The following ATRNL1 variants were observed in gnomAD, a reference collection of about 807,000 sequenced individuals.
The protein encoded by ATRNL1 is attractin-like protein 1.
In ATRNL1, 95 loss-of-function variants were observed where a neutral mutation model predicts 182.7. The observed-to-expected ratio is 0.52, with a 90% CI of 0.44 to 0.62. The LOEUF (loss-of-function observed/expected upper bound fraction) is 0.62. ATRNL1 is among the 20% of genes least tolerant of loss of function. The pLI is 0.00. For synonymous variants in ATRNL1, 576 were observed against 568.3 expected (o/e 1.01, Z -0.19); for missense variants, 1,471 against 1,679.5 (o/e 0.88, Z 2.17).
intron 26 of ATRNL1, among the ~76,000 whole-genome samples, chr10:115,634,128 G>T (rs1279109319): frequency 6.6e-6 from 1 of 152,044 alleles, no homozygotes; most frequent in Non-Finnish European, 1.5e-5. Flanking sequence ...ATTAGCGTCT[G>T]TGGAAAAAGT....
intron 28 of ATRNL1, among the ~76,000 whole-genome samples, chr10:115,903,644 T>A (rs999931332): frequency 6.6e-6 from 1 of 152,206 alleles, no homozygotes. Flanking sequence ...TTTATCACCT[T>A]TAATACCTTC....
rs185403397 is a variant in ATRNL1 at position 115,932,546 on chromosome 10, A to T, written c.4019-12112A>T. On this transcript the variant is annotated intron_variant, in intron 28 of 28. Coordinates refer to ENST00000355044, the MANE Select transcript of ATRNL1 (RefSeq NM_207303.4). ...CCATTTTCCCTTCCATTTTATCTAA[A>T]TGGCTAGAAGTGAGTGTTTGCATAA... is the stretch of plus-strand genomic sequence containing the variant. Among the ~76,000 whole-genome samples the T allele has an allele frequency of 7.2e-4, 110 of 152,304 alleles. 1 individual carries two copies. The highest frequency in any genetic ancestry group is 2.4e-3 in the African/African-American group (99 of 41,568).
rs59638255 is a variant in ATRNL1 at position 115,271,165 on chromosome 10, T to TACACACAC, written c.2100+2749_2100+2756dup. Among the ~76,000 whole-genome samples the TACACACAC allele has an allele frequency of 8.1e-3, 1,184 of 146,016 alleles. 10 individuals are homozygous for TACACACAC. The highest frequency in any genetic ancestry group is 0.027 in the African/African-American group (1,037 of 39,012). On this transcript the variant is annotated intron_variant, in intron 13 of 28. Coordinates refer to ENST00000355044, the MANE Select transcript of ATRNL1 (RefSeq NM_207303.4). ...AAGAGAAGAAAGAAAACAAAGATAT[T>TACACACAC]ACACACACACACACACACACACACA...
chr10:115,514,309 T>C lies in ATRNL1; in HGVS notation c.3655-4954T>C, dbSNP rs190470507. ...ATCAAAATAGCATTCATATTTCTTA[T>C]GAAAACTTTTACATTTGTCTTTATT... is the stretch of plus-strand genomic sequence containing the variant. On this transcript the variant is annotated intron_variant, in intron 24 of 28. Coordinates refer to ENST00000355044, the MANE Select transcript of ATRNL1 (RefSeq NM_207303.4). Among the ~76,000 whole-genome samples the C allele has an allele frequency of 5.9e-5, 9 of 152,130 alleles. No homozygotes were observed. The South Asian group carries it at 1.0e-3, about 17-fold the overall frequency.
At chr10:115,433,117 A>G (rs1846245246) in intron 21 of ATRNL1, among the ~76,000 whole-genome samples, 2 of 152,066 alleles carry the variant, frequency 1.3e-5, no homozygotes, top group South Asian at 4.1e-4. Flanking sequence ...TTTATGTTGA[A>G]TTTCTTTTAT....
At chr10:115,241,391 A>C (rs1850412876) in intron 9 of ATRNL1, among the ~76,000 whole-genome samples, 180 bp from the exon 10 acceptor site, 1 of 151,590 alleles carries the variant, frequency 6.6e-6, no homozygotes, top group Non-Finnish European at 1.5e-5. Flanking sequence ...TGAGCCTCAA[A>C]ATATTTTTTT....
At chr10:115,188,719 C>T (rs1848052103) in intron 8 of ATRNL1, among the ~76,000 whole-genome samples, 1 of 124,204 alleles carries the variant, frequency 8.1e-6, no homozygotes. Context: ...TGAGTTTCTC[C>T]TCTGCTCTTA....
intron 26 of ATRNL1, among the ~76,000 whole-genome samples, chr10:115,573,944 A>G (rs1368917129): frequency 1.3e-5 from 2 of 152,198 alleles, no homozygotes; most frequent in Non-Finnish European, 2.9e-5. Flanking sequence ...TGAAAGACAA[A>G]GCTGAAAAGA....
intron 19 of ATRNL1, among the ~76,000 whole-genome samples, chr10:115,381,961 T>C (rs1035174342): frequency 3.3e-5 from 5 of 152,144 alleles, no homozygotes; most frequent in Non-Finnish European, 7.4e-5. Flanking sequence ...TGGCTGTTCT[T>C]CCCCCATTTA....
intron 8 of ATRNL1, among the ~76,000 whole-genome samples, chr10:115,178,705 C>T (rs1308249875): frequency 2.0e-5 from 3 of 152,050 alleles, no homozygotes; most frequent in Non-Finnish European, 4.4e-5. Context: ...TAGCTGGGTC[C>T]TTTTTGCCTT....
intron 27 of ATRNL1, among the ~76,000 whole-genome samples, chr10:115,790,229 C>T (rs1349572329): frequency 6.7e-6 from 1 of 149,636 alleles, no homozygotes; most frequent in Non-Finnish European, 1.5e-5. Context: ...AGTGGTGGCC[C>T]CCAAAGCAGC....
At chr10:115,105,850 G>A (rs1469938856) in intron 1 of ATRNL1, among the ~76,000 whole-genome samples, 1 of 152,216 alleles carries the variant, frequency 6.6e-6, no homozygotes, top group Non-Finnish European at 1.5e-5. Context: ...CCAGGCAGAA[G>A]TTTGCTGCAG....
intron 24 of ATRNL1, among the ~76,000 whole-genome samples, chr10:115,494,899 G>A (rs1031984022): frequency 8.5e-5 from 13 of 152,146 alleles, no homozygotes; most frequent in Admixed American, 6.6e-4. Flanking sequence ...TTTTGGAATG[G>A]TTTCAGTAGG....
chr10:115,176,444 G>T (rs940564904), intron 8 of ATRNL1, among the ~76,000 whole-genome samples: 9 of 152,136 alleles, frequency 5.9e-5, no homozygotes, highest in Non-Finnish European at 1.3e-4. Context: ...AGAAAGAACA[G>T]AAAGAGGATA....
chr10:115,380,128 C>A (rs1857915891), intron 19 of ATRNL1, among the ~76,000 whole-genome samples: 1 of 152,118 alleles, frequency 6.6e-6, no homozygotes, highest in Non-Finnish European at 1.5e-5. Flanking sequence ...CCGCGCCTGG[C>A]CAACTTTATA....
chr10:115,418,009 G>A (rs1338968530), intron 20 of ATRNL1, among the ~76,000 whole-genome samples: 3 of 152,186 alleles, frequency 2.0e-5, no homozygotes, highest in African/African-American at 4.8e-5. Context: ...CACACACATT[G>A]TTGCATGTCC....
chr10:115,263,410 A>G (rs782150962), intron 10 of ATRNL1, among the ~76,000 whole-genome samples: 1 of 151,850 alleles, frequency 6.6e-6, no homozygotes, highest in Non-Finnish European at 1.5e-5. Flanking sequence ...GTAAAAATGT[A>G]AAATGGTCCA....
chr10:115,561,244 C>G (rs1028101567), intron 26 of ATRNL1, among the ~76,000 whole-genome samples: 3 of 152,120 alleles, frequency 2.0e-5, no homozygotes, highest in Non-Finnish European at 4.4e-5. Flanking sequence ...TATCATATAT[C>G]TGATAAGATA....
At chr10:115,429,230 T>C (rs1201339082) in intron 21 of ATRNL1, among the ~76,000 whole-genome samples, 2 of 152,136 alleles carry the variant, frequency 1.3e-5, no homozygotes, top group Admixed American at 6.5e-5. Flanking sequence ...GTTTGATATA[T>C]AAAAATAAAA....
Sources: allele counts gnomAD v4.1 joint callset (sites outside exome capture counted in the v4.1 genomes callset), GRCh38; gene constraint gnomAD v4.1.1; transcripts MANE v1.5; gene names NCBI Gene and HGNC (gene_info 2026-07-23, HGNC 2026-07-21).